SMG6: variants seen among roughly 807,000 people sequenced by gnomAD.
SMG6 encodes SMG6 nonsense mediated mRNA decay factor, also known as telomerase-binding protein EST1A.
SMG6 carries 66 observed loss-of-function variants against 142.2 expected under a neutral mutation model. That is an observed-to-expected ratio of 0.46 (90% CI 0.38 to 0.57). SMG6 has a LOEUF of 0.57. Among genes scored for constraint, SMG6 ranks in the 20% least tolerant of loss-of-function variants. The pLI, the probability that SMG6 is intolerant of heterozygous loss-of-function variation, is 0.00. For missense variants in SMG6, 1,793 were observed against 1,832.0 expected, an observed-to-expected ratio of 0.98 and a Z score of 0.39; for synonymous variants, 779 against 702.4, an observed-to-expected ratio of 1.11 and a Z score of -1.72.
chr17:2,116,786 C>T (rs565461229), intron 13 of SMG6, among the ~76,000 whole-genome samples: 4 of 151,560 alleles, frequency 2.6e-5, no homozygotes, highest in Admixed American at 6.6e-5. Flanking sequence ...CCACAGACTG[C>T]GAGAAGATAT....
intron 13 of SMG6, among the ~76,000 whole-genome samples, chr17:2,100,448 T>C (rs192633007): frequency 4.6e-4 from 70 of 152,180 alleles, no homozygotes; most frequent in African/African-American, 1.6e-3. Flanking sequence ...GCTGGGATTA[T>C]AGGCATAAGC....
Position 2,072,187 on chromosome 17 carries a change from AG to A in SMG6, c.3682-3257del, listed in dbSNP as rs373763696. The stretch of plus-strand genomic sequence containing the variant: ...GCTGCAGAAGCCTCTGGTGGGGGTG[AG>A]GGGGGTGCAACCGGAATGCTGTGGT... On this transcript the variant is annotated intron_variant, in intron 15 of 18. Transcript: ENST00000263073. 2.6e-4 allele frequency among the ~76,000 whole-genome samples: 39 copies of A among 152,084 alleles called. No individual in the cohort carries two copies. The East Asian group carries it at 5.4e-3, about 21-fold the overall frequency.
intron 10 of SMG6, among the ~76,000 whole-genome samples, chr17:2,212,280 AAGAT>A (rs1377754933): frequency 6.6e-6 from 1 of 152,198 alleles, no homozygotes. Context: ...GAGATGGAAA[AAGAT>A]AGACCCAAAA....
chr17:2,254,299 A>G (rs1435521224), intron 8 of SMG6, among the ~76,000 whole-genome samples: 1 of 152,180 alleles, frequency 6.6e-6, no homozygotes, highest in Non-Finnish European at 1.5e-5. Flanking sequence ...CAACCAGATA[A>G]CAGTTTTCCA....
At chr17:2,211,491 C>G (rs1408029545) in intron 10 of SMG6, among the ~76,000 whole-genome samples, 1 of 151,926 alleles carries the variant, frequency 6.6e-6, no homozygotes, top group East Asian at 1.9e-4. Context: ...GGTGAAACCC[C>G]GTCTCTACTA....
At chr17:2,064,767 C>T in intron 18 of SMG6, among the ~76,000 whole-genome samples, 1 of 151,630 alleles carries the variant, frequency 6.6e-6, no homozygotes, top group Admixed American at 6.6e-5. Flanking sequence ...TTCTTGCTGT[C>T]AGACGGAACT....
At chr17:2,145,918 C>T (rs1567635213) in intron 13 of SMG6, among the ~76,000 whole-genome samples, 1 of 152,006 alleles carries the variant, frequency 6.6e-6, no homozygotes, top group Non-Finnish European at 1.5e-5. Flanking sequence ...GAATGATGCT[C>T]TATCTAAATC....
At chr17:2,070,259 C>A (rs1443594488) in intron 15 of SMG6, among the ~76,000 whole-genome samples, 3 of 152,218 alleles carry the variant, frequency 2.0e-5, no homozygotes, top group Non-Finnish European at 4.4e-5. Context: ...CAGAACATGG[C>A]CACTACTGCA....
intron 10 of SMG6, among the ~76,000 whole-genome samples, chr17:2,201,923 C>G (rs1201574495): frequency 6.6e-6 from 1 of 151,670 alleles, no homozygotes; most frequent in Admixed American, 6.6e-5. Context: ...ACTTGGGAGG[C>G]TGAGGCAGGA....
At chr17:2,171,941 C>T (rs1439878945) in intron 13 of SMG6, among the ~76,000 whole-genome samples, 1 of 152,008 alleles carries the variant, frequency 6.6e-6, no homozygotes, top group Admixed American at 6.6e-5. Context: ...CTACTACTTC[C>T]CTAGCCTAGT....
chr17:2,065,313 G>C (rs903550386), intron 17 of SMG6, among the ~76,000 whole-genome samples, 155 bp downstream of exon 17: 2 of 152,110 alleles, frequency 1.3e-5, no homozygotes, highest in Non-Finnish European at 2.9e-5. Context: ...ACTGTGCTAC[G>C]AGTGACTTAG....
intron 13 of SMG6, among the ~76,000 whole-genome samples, chr17:2,112,412 G>T (rs1246862105): frequency 6.6e-6 from 1 of 151,604 alleles, no homozygotes; most frequent in East Asian, 1.9e-4. Flanking sequence ...GGAGGCTGAG[G>T]CAGGAGAATG....
rs2074670932 is a variant in SMG6 at position 2,277,157 on chromosome 17, ATT to A, written c.2661+5488_2661+5489del. ...CATTTATTTATTTATTTATTTATTT[ATT>A]TATTTATTTTTTATTTTTTTTTTTT... On this transcript the variant is annotated intron_variant, in intron 8 of 18. Coordinates refer to ENST00000263073, the MANE Select transcript of SMG6 (RefSeq NM_017575.5). 2.1e-5 allele frequency among the ~76,000 whole-genome samples: 2 copies of A among 97,070 alleles called. 1 individual carries two copies. The highest frequency in any genetic ancestry group is 4.2e-5 in the Non-Finnish European group (2 of 47,508). The allele number at this position is 97,070 out of a possible 152,430, so 63.7% of individuals were successfully genotyped here.
chr17:2,099,435 T>C (rs1006767355), intron 13 of SMG6, among the ~76,000 whole-genome samples: 1 of 152,034 alleles, frequency 6.6e-6, no homozygotes, highest in Non-Finnish European at 1.5e-5. Flanking sequence ...AGGTAAAATG[T>C]ACCTCCTAAG....
In SMG6 at chr17:2,299,175, G is replaced by T; in HGVS notation, c.1578C>A (p.Asn526Lys). The T allele has an allele frequency of 6.2e-7, 1 of 1,613,328 alleles. No homozygotes were observed. The highest frequency in any genetic ancestry group is 1.1e-5 in the South Asian group (1 of 91,016). The change falls in exon 2 of 19, where the codon AAC (asparagine) becomes AAA (lysine). Residue 526 changes from asparagine to lysine, a missense_variant. By Grantham distance (94) the Asn-to-Lys change is moderately conservative. Coordinates refer to ENST00000263073, the MANE Select transcript of SMG6 (RefSeq NM_017575.5). The surrounding 1 kb of genome is among the most constrained non-coding windows in gnomAD (Gnocchi z 4.3). ...TAGGGCCCACTGGGTACTGTAGAGG[G>T]TTATAGCCCGTATAGGGATACTGGG... ...PASQYPYTGYNPLQYPVGPTN... is the reference protein window; with the variant it reads ...PASQYPYTGYKPLQYPVGPTN...
intron 10 of SMG6, among the ~76,000 whole-genome samples, chr17:2,213,359 G>A (rs886560020): frequency 1.3e-5 from 2 of 152,212 alleles, no homozygotes; most frequent in African/African-American, 4.8e-5. Context: ...AGCAGCTTCA[G>A]AGAAGGGAAA....
intron 8 of SMG6, among the ~76,000 whole-genome samples, chr17:2,252,459 GC>G (rs1422046005): frequency 6.6e-6 from 1 of 152,156 alleles, no homozygotes; most frequent in African/African-American, 2.4e-5. Context: ...TGTATTTACT[GC>G]TCATGTGTTT....
chr17:2,176,120 A>T (rs1832441512), intron 12 of SMG6, among the ~76,000 whole-genome samples: 1 of 152,226 alleles, frequency 6.6e-6, no homozygotes, highest in Admixed American at 6.5e-5. Flanking sequence ...AATTCCTGGA[A>T]GCTGGGCAAC....
At position 2,300,499 on chromosome 17, in the gene SMG6, G is replaced by A; in HGVS notation, c.254C>T (p.Ser85Phe). Residue 85 changes from serine (S) to phenylalanine (F), a missense_variant, in exon 2 of 19, where the codon TCT becomes TTT. Transcript: ENST00000263073. ...GGGCTGTGTACCATTTTCAACAGCAGAGCAATCTCGGTCATTAACAATTTC... is the reference window on the plus strand; with the variant it reads ...GGGCTGTGTACCATTTTCAACAGCAAAGCAATCTCGGTCATTAACAATTTC... ...KDEIVNDRDC[S>F]AVENGTQPVK... 6.2e-7 allele frequency: 1 copy of A among 1,614,168 alleles called. No individual in the cohort carries two copies. Among genetic ancestry groups the A allele is most frequent in the Non-Finnish European group, 8.5e-7 (1 of 1,180,006 alleles).
Sources: allele counts gnomAD v4.1 joint callset (sites outside exome capture counted in the v4.1 genomes callset), GRCh38; gene constraint gnomAD v4.1.1; non-coding constraint Gnocchi (gnomAD v3.1); transcripts MANE v1.5; gene names NCBI Gene and HGNC (gene_info 2026-07-23, HGNC 2026-07-21).